MRPS31: variants seen among roughly 807,000 people sequenced by gnomAD.
MRPS31 encodes the protein mitochondrial ribosomal protein S31.
In MRPS31, 32 loss-of-function variants were observed where a neutral mutation model predicts 43.1. The observed-to-expected ratio is 0.74, with a 90% CI of 0.56 to 1.00. The LOEUF is 1.00. Among genes scored for constraint, MRPS31 ranks in the 50% least tolerant of loss-of-function variants. The pLI, the probability that MRPS31 is intolerant of heterozygous loss-of-function variation, is 0.00. For missense variants in MRPS31, 437 were observed against 466.7 expected, an observed-to-expected ratio of 0.94 and a Z score of 0.59; for synonymous variants, 165 against 161.6, an observed-to-expected ratio of 1.02 and a Z score of -0.16.
At chr13:40,752,838 C>T (rs1388685440) in intron 5 of MRPS31, among the ~76,000 whole-genome samples, 2 of 151,936 alleles carry the variant, frequency 1.3e-5, no homozygotes, top group African/African-American at 4.8e-5. Flanking sequence ...TTCTGGGCTC[C>T]AGTGATCCTG....
At chr13:40,744,776 G>C (rs1880195928) in intron 6 of MRPS31, among the ~76,000 whole-genome samples, 1 of 152,040 alleles carries the variant, frequency 6.6e-6, no homozygotes, top group Non-Finnish European at 1.5e-5. Flanking sequence ...ATCACACCTG[G>C]CTAATTTTTG....
intron 2 of MRPS31, among the ~76,000 whole-genome samples, chr13:40,763,465 C>T (rs1047248548): frequency 6.6e-6 from 1 of 152,120 alleles, no homozygotes; most frequent in Non-Finnish European, 1.5e-5. Context: ...GCATTTAAGT[C>T]CTAAATATGG....
intron 6 of MRPS31, among the ~76,000 whole-genome samples, chr13:40,744,977 A>G (rs928130501): frequency 3.3e-5 from 5 of 150,626 alleles, no homozygotes; most frequent in Admixed American, 6.6e-5. Context: ...ACTGGAGTGC[A>G]GTGGCGAGAT....
chr13:40,751,503 C>G (rs1880389699), intron 5 of MRPS31, among the ~76,000 whole-genome samples: 1 of 152,148 alleles, frequency 6.6e-6, no homozygotes, highest in East Asian at 1.9e-4. Flanking sequence ...TTCTGTTAAG[C>G]TATACTGCCT....
chr13:40,736,455 A>C (rs9549275), intron 6 of MRPS31, among the ~76,000 whole-genome samples: 1 of 139,422 alleles, frequency 7.2e-6, no homozygotes, highest in Admixed American at 7.3e-5. Flanking sequence ...TCCTCGAGAA[A>C]AGCAACTCCA....
chr13:40,743,863 G>A (rs1472617187), intron 6 of MRPS31, among the ~76,000 whole-genome samples: 1 of 152,102 alleles, frequency 6.6e-6, no homozygotes, highest in Non-Finnish European at 1.5e-5. Context: ...TATGCCCAAA[G>A]GAATATACAT....
intron 6 of MRPS31, among the ~76,000 whole-genome samples, chr13:40,735,625 T>C (rs1593441344): frequency 6.6e-6 from 1 of 152,086 alleles, no homozygotes; most frequent in Non-Finnish European, 1.5e-5. Flanking sequence ...CCCTGACCCC[T>C]GACCCCCGAG....
intron 2 of MRPS31, among the ~76,000 whole-genome samples, chr13:40,765,704 AG>A (rs1254995462): frequency 1.3e-5 from 2 of 152,200 alleles, no homozygotes; most frequent in African/African-American, 4.8e-5. Flanking sequence ...ATGTTAAATC[AG>A]TTTGGGAAAC....
chr13:40,770,718 A>G, intron 1 of MRPS31: 1 of 435,786 alleles, frequency 2.3e-6, no homozygotes, highest in South Asian at 2.3e-5. Flanking sequence ...AAATCTTGGG[A>G]GGCAAAAGAT....
intron 2 of MRPS31, among the ~76,000 whole-genome samples, chr13:40,761,702 T>A (rs1322164753): frequency 6.6e-6 from 1 of 152,190 alleles, no homozygotes; most frequent in African/African-American, 2.4e-5. Flanking sequence ...TTCCCCTTCA[T>A]AACATTCTGT....
chr13:40,752,158 G>C (rs1880408543), intron 5 of MRPS31: 4 of 152,126 alleles, frequency 2.6e-5, no homozygotes, highest in Admixed American at 2.6e-4. Flanking sequence ...CGAGTAGCTG[G>C]GATTACAGGC....
chr13:40,768,608 G>T (rs1415761461), intron 1 of MRPS31, among the ~76,000 whole-genome samples: 2 of 151,938 alleles, frequency 1.3e-5, no homozygotes, highest in African/African-American at 4.8e-5. Flanking sequence ...TGTTGCCCAG[G>T]CTTGAATTCC....
intron 6 of MRPS31, among the ~76,000 whole-genome samples, chr13:40,737,965 C>G (rs1473099010): frequency 1.3e-5 from 2 of 151,734 alleles, no homozygotes; most frequent in Non-Finnish European, 2.9e-5. Context: ...AATAGAGACA[C>G]AAAAAACCCT....
chr13:40,742,960 G>A (rs1880143446), intron 6 of MRPS31, among the ~76,000 whole-genome samples: 1 of 152,074 alleles, frequency 6.6e-6, no homozygotes, highest in African/African-American at 2.4e-5. Context: ...CCTACAAGAA[G>A]ATCTAGGAAA....
At chr13:40,743,058 T>A (rs1943698262) in intron 6 of MRPS31, among the ~76,000 whole-genome samples, 2 of 152,146 alleles carry the variant, frequency 1.3e-5, no homozygotes, top group South Asian at 4.1e-4. Context: ...ACCCCTGTAA[T>A]CACAGCACTT....
At chr13:40,735,410 G>T (rs1056592815) in intron 6 of MRPS31, among the ~76,000 whole-genome samples, 1 of 152,184 alleles carries the variant, frequency 6.6e-6, no homozygotes, top group Non-Finnish European at 1.5e-5. Context: ...CAGGAAGCTC[G>T]AACTGGGTGG....
rs151307913 is a variant in MRPS31, at chr13:40,770,028, A to C, written c.152+957T>G. Among the ~76,000 whole-genome samples, 147 of 152,354 alleles carry C rather than the reference A, an allele frequency of 9.6e-4. 1 individual carries two copies. Among genetic ancestry groups the C allele is most frequent in the Non-Finnish European group, 1.8e-3 (121 of 68,036 alleles). On this transcript the variant is annotated intron_variant, in intron 1 of 6. Coordinates refer to ENST00000323563, the MANE Select transcript of MRPS31 (RefSeq NM_005830.4). ...AAACAGGTATTTGTTGTTTTCTAAA[A>C]ATTATAATATATGGAAAAATCTTTC...
At chr13:40,750,987 C>T (rs1418713188) in intron 5 of MRPS31, among the ~76,000 whole-genome samples, 1 of 151,906 alleles carries the variant, frequency 6.6e-6, no homozygotes, top group Non-Finnish European at 1.5e-5. Context: ...CCCACTTTTG[C>T]CAAGCCCCCA....
chr13:40,737,053 C>T (rs1879934324), intron 6 of MRPS31, among the ~76,000 whole-genome samples: 2 of 151,928 alleles, frequency 1.3e-5, no homozygotes, highest in Admixed American at 1.3e-4. Context: ...CGTGCAGACA[C>T]ACACATAGGC....
Sources: gnomAD v4.1 joint callset for allele counts (sites outside exome capture counted in the v4.1 genomes callset) on GRCh38, gnomAD v4.1.1 for gene constraint, MANE v1.5 for transcripts, NCBI Gene and HGNC (gene_info 2026-07-23, HGNC 2026-07-21) for gene names.